FEZ2: variants seen among roughly 807,000 people sequenced by gnomAD.
FEZ2 encodes the protein fasciculation and elongation protein zeta 2, also known as fasciculation and elongation protein zeta-2.
In FEZ2, 51 loss-of-function variants were observed where a neutral mutation model predicts 40.4. The ratio of observed to expected loss-of-function variants is 1.26; its 90% confidence interval spans 1.01 to 1.59. The LOEUF is 1.59. Among genes scored for constraint, FEZ2 ranks in the 40% most tolerant of loss-of-function variants. The probability of loss-of-function intolerance (pLI) is 0.00; values close to 1 mark genes in which losing one functional copy is unlikely to be tolerated. For missense variants in FEZ2, 640 were observed against 438.3 expected, an observed-to-expected ratio of 1.46 and a Z score of -4.11; for synonymous variants, 242 against 172.0, an observed-to-expected ratio of 1.41 and a Z score of -3.18.
rs569541282 is a variant in FEZ2 at position 36,553,202 on chromosome 2, A to T, written c.1046-23T>A. 38 of 1,522,224 alleles carry T rather than the reference A, an allele frequency of 2.5e-5. 1 individual carries two copies. The South Asian group carries it at 4.4e-4, about 18-fold the overall frequency. The allele number at this position is 1,522,224 out of a possible 1,614,324, so 94.3% of individuals were successfully genotyped here. On this transcript the variant is annotated intron_variant, in intron 7 of 7. Coordinates refer to ENST00000405912, the MANE Select transcript of FEZ2 (RefSeq NM_005102.3). ...GAACTAGAAGAAAAAGAGAACTTTT[A>T]GCTACAAATGTATATTTTGTATACA...
chr2:36,583,329 C>A (rs765192359), intron 3 of FEZ2, 24 bp downstream of exon 3: 1 of 1,170,642 alleles, frequency 8.5e-7, no homozygotes, highest in Admixed American at 1.8e-5. Context: ...CCTTTCCTTG[C>A]GTTGCTGAGG....
chr2:36,583,768 TAG>T (rs535326837), intron 2 of FEZ2, among the ~76,000 whole-genome samples: 98 of 152,284 alleles, frequency 6.4e-4, no homozygotes, highest in African/African-American at 2.2e-3. Context: ...TTACAGTGAA[TAG>T]AAGGGAGAAT....
At chr2:36,561,935 C>G (rs1668104156) in intron 5 of FEZ2, among the ~76,000 whole-genome samples, 1 of 152,144 alleles carries the variant, frequency 6.6e-6, no homozygotes, top group Non-Finnish European at 1.5e-5. Flanking sequence ...GTCCAGGGAC[C>G]CCCTCCCACC....
chr2:36,562,888 A>G (rs751495076), intron 5 of FEZ2, among the ~76,000 whole-genome samples: 7 of 152,230 alleles, frequency 4.6e-5, no homozygotes, highest in Admixed American at 2.0e-4. Context: ...TACTTAGTCT[A>G]TATTACCTGG....
chr2:36,578,505 A>G, intron 5 of FEZ2, 92 bp downstream of exon 5: 1 of 1,326,570 alleles, frequency 7.5e-7, no homozygotes, highest in Non-Finnish European at 1.0e-6. Context: ...CTGCCCATGT[A>G]CAACCTGTCG....
Position 36,583,381 on chromosome 2 carries a change from T to C in FEZ2, c.464A>G (p.Asn155Ser). The C allele has an allele frequency of 8.8e-6, 14 of 1,599,560 alleles. No individual in the cohort carries two copies. Among genetic ancestry groups the C allele is most frequent in the Non-Finnish European group, 1.2e-5 (14 of 1,166,788 alleles). Reference sequence around the variant, plus strand: ...GTCTGCCGTGAAGAGGGGTTCATCATTAACACAGGAGACGATGATTGAGTG... The same window carrying C: ...GTCTGCCGTGAAGAGGGGTTCATCACTAACACAGGAGACGATGATTGAGTG... ...DMHSIIVSCV[N>S]DEPLFTADQV... The change falls in exon 3 of 8, where the codon AAT becomes AGT. Residue 155 changes from asparagine to serine, a missense_variant. By Grantham distance (46) the Asn-to-Ser change is conservative (BLOSUM62 1). Coordinates refer to ENST00000405912, the MANE Select transcript of FEZ2 (RefSeq NM_005102.3).
At chr2:36,554,993 T>C (rs1033650064) in intron 7 of FEZ2, among the ~76,000 whole-genome samples, 1 of 152,204 alleles carries the variant, frequency 6.6e-6, no homozygotes, top group Admixed American at 6.5e-5. Context: ...TAAAAAAATA[T>C]TTCATCGTAA....
Position 36,558,469 on chromosome 2 carries a change from CGGT to C in FEZ2, c.945_947del (p.Pro316del). On this transcript the variant is annotated inframe_deletion, in exon 6 of 8. Transcript: ENST00000405912. ...TTAATATTTGAAGATCTTCAACAGACGGTGGTCCGTTTTTTTTCTCATAAGGAA... is the reference window on the plus strand; with the variant it reads ...TTAATATTTGAAGATCTTCAACAGACGGTCCGTTTTTTTTCTCATAAGGAA... The C allele has an allele frequency of 1.3e-6, 2 of 1,526,830 alleles. No homozygotes were observed. The highest frequency in any genetic ancestry group is 1.8e-6 in the Non-Finnish European group (2 of 1,133,316). The allele number at this position is 1,526,830 out of a possible 1,614,324, so 94.6% of individuals were successfully genotyped here. A position where few individuals can be genotyped will look rare whatever the true frequency, so the allele number is the denominator to read the frequency against.
intron 5 of FEZ2, among the ~76,000 whole-genome samples, chr2:36,570,815 G>A (rs939505964): frequency 2.0e-5 from 3 of 152,190 alleles, no homozygotes; most frequent in Non-Finnish European, 2.9e-5. Context: ...TAAAAATACA[G>A]CATTATAATC....
intron 2 of FEZ2, among the ~76,000 whole-genome samples, chr2:36,588,920 A>C (rs928638470): frequency 2.6e-5 from 4 of 152,124 alleles, no homozygotes; most frequent in Non-Finnish European, 4.4e-5. Flanking sequence ...TGACTTTGAA[A>C]CTATGAATGG....
rs1294552388 is a variant in FEZ2, at chr2:36,583,442, A to C, written c.403T>G (p.Ser135Ala). The C allele has an allele frequency of 1.9e-6, 3 of 1,603,876 alleles. No homozygotes were observed. Among genetic ancestry groups the C allele is most frequent in the Admixed American group, 1.7e-5 (1 of 60,004 alleles). ...TGTTCTCTCAGCTCTTCATCATCTG[A>C]TGTATCAAAGAGCAAACTGTCACTT... ...GVSDSLLFDTSDDEELREQLD... is the reference protein window; with the variant it reads ...GVSDSLLFDTADDEELREQLD... Residue 135 changes from serine to alanine, a missense_variant, in exon 3 of 8, where the codon TCA becomes GCA. Coordinates refer to ENST00000405912, the MANE Select transcript of FEZ2 (RefSeq NM_005102.3).
At chr2:36,558,571 A>G (rs1668014253) in intron 5 of FEZ2, 58 bp from the exon 6 acceptor site, 1 of 978,880 alleles carries the variant, frequency 1.0e-6, no homozygotes, top group East Asian at 2.7e-5. Flanking sequence ...ATCTGCAAAA[A>G]ATTTGATACT....
chr2:36,572,238 G>C (rs1668439216), intron 5 of FEZ2, among the ~76,000 whole-genome samples: 1 of 152,162 alleles, frequency 6.6e-6, no homozygotes, highest in Non-Finnish European at 1.5e-5. Context: ...GAGGTCTGCT[G>C]TTAGACAAGA....
intron 1 of FEZ2, 144 bp from the exon 2 acceptor site, chr2:36,591,155 A>G (rs1248676099): frequency 9.5e-6 from 6 of 631,194 alleles, no homozygotes; most frequent in African/African-American, 9.2e-5. Context: ...AAACATCAAC[A>G]AAGTAGAGTC....
chr2:36,587,869 ATTTG>A (rs1402010325), intron 2 of FEZ2, among the ~76,000 whole-genome samples: 3 of 152,050 alleles, frequency 2.0e-5, no homozygotes, highest in Non-Finnish European at 4.4e-5. Flanking sequence ...CTTATTGCCC[ATTTG>A]TTTTTCAGAA....
rs1342233702 is a variant in FEZ2, at chr2:36,552,910, CTCTCTT to C, written c.*247_*252del. 13 of 454,308 alleles carry C rather than the reference CTCTCTT, an allele frequency of 2.9e-5. No homozygotes were observed. Among genetic ancestry groups the C allele is most frequent in the Non-Finnish European group, 4.7e-5 (12 of 255,306 alleles). 28.1% of individuals were successfully genotyped at this position (454,308 alleles called of 1,614,324 possible). A position where few individuals can be genotyped will look rare whatever the true frequency, so the allele number is the denominator to read the frequency against. ...CTGCACATGCACAATTAATATTACT[CTCTCTT>C]AATCTACTAAGAGAACAGTTTATTA... On this transcript the variant is annotated 3_prime_UTR_variant, in exon 8 of 8. Coordinates refer to ENST00000405912, the MANE Select transcript of FEZ2 (RefSeq NM_005102.3).
chr2:36,571,480 G>GA (rs1668408676), intron 5 of FEZ2, among the ~76,000 whole-genome samples: 1 of 151,898 alleles, frequency 6.6e-6, no homozygotes, highest in Admixed American at 6.6e-5. Context: ...GGCCAACTTG[G>GA]TGAAACCCCA....
chr2:36,563,558 C>T (rs562947570), intron 5 of FEZ2, among the ~76,000 whole-genome samples: 6 of 151,518 alleles, frequency 4.0e-5, no homozygotes, highest in African/African-American at 1.2e-4. Flanking sequence ...CGTCTGAGAA[C>T]GTGCTCCTAT....
At chr2:36,592,277 T>C (rs1669093588) in intron 1 of FEZ2, among the ~76,000 whole-genome samples, 1 of 141,500 alleles carries the variant, frequency 7.1e-6, no homozygotes, top group African/African-American at 2.9e-5. Flanking sequence ...TAAGAATGAA[T>C]TTTTTTTTTA....
Sources: allele counts gnomAD v4.1 joint callset (sites outside exome capture counted in the v4.1 genomes callset), GRCh38; gene constraint gnomAD v4.1.1; transcripts MANE v1.5; gene names NCBI Gene and HGNC (gene_info 2026-07-23, HGNC 2026-07-21).